The following GNAL variants were observed in gnomAD, a reference collection of about 807,000 sequenced individuals.
GNAL encodes G protein subunit alpha L, also known as guanine nucleotide-binding protein G(olf) subunit alpha.
GNAL carries 18 observed loss-of-function variants against 55.1 expected under a neutral mutation model. The observed-to-expected ratio is 0.33, with a 90% CI of 0.23 to 0.48. The LOEUF (loss-of-function observed/expected upper bound fraction) is 0.48, where lower values mean the gene tolerates loss of function less well. Ranked by LOEUF, GNAL falls within the 20% of genes least tolerant of loss-of-function variation. GNAL has a pLI of 0.99. For missense variants in GNAL, 412 were observed against 614.1 expected (o/e 0.67, Z 3.48); for synonymous variants, 253 against 237.0 (o/e 1.07, Z -0.62).
chr18:11,737,009 A>G (rs1250883237), intron 1 of GNAL, among the ~76,000 whole-genome samples: 2 of 152,246 alleles, frequency 1.3e-5, no homozygotes, highest in Non-Finnish European at 2.9e-5. Flanking sequence ...GCAAAATGCT[A>G]ACAATTGAAG....
chr18:11,813,095 G>A (rs900651621), intron 4 of GNAL, among the ~76,000 whole-genome samples: 20 of 151,202 alleles, frequency 1.3e-4, no homozygotes, highest in Non-Finnish European at 2.7e-4. Context: ...CTCTATTAAC[G>A]ATACAACAAA....
intron 4 of GNAL, among the ~76,000 whole-genome samples, chr18:11,789,053 C>T (rs1453698089): frequency 6.6e-6 from 1 of 151,508 alleles, no homozygotes; most frequent in Non-Finnish European, 1.5e-5. Flanking sequence ...AGGCCTATCT[C>T]AGTTTCAGCA....
intron 5 of GNAL, chr18:11,851,882 C>G: frequency 6.2e-7 from 1 of 1,613,986 alleles, no homozygotes; most frequent in South Asian, 1.1e-5. Flanking sequence ...CAGTTTGAGA[C>G]TCTGGACGTC....
At chr18:11,829,877 G>A (rs140163211) in intron 5 of GNAL, among the ~76,000 whole-genome samples, 42 of 152,300 alleles carry the variant, frequency 2.8e-4, no homozygotes, top group African/African-American at 9.9e-4. Flanking sequence ...GGGCATGGTG[G>A]CACACACCTG....
At chr18:11,843,515 ACT>A (rs1306931171) in intron 5 of GNAL, among the ~76,000 whole-genome samples, 5 of 151,922 alleles carry the variant, frequency 3.3e-5, no homozygotes, top group Non-Finnish European at 7.4e-5. Flanking sequence ...ACAGAGCAAG[ACT>A]CTGTCTCAAA....
chr18:11,737,564 T>A (rs2032486718), intron 1 of GNAL, among the ~76,000 whole-genome samples: 1 of 152,172 alleles, frequency 6.6e-6, no homozygotes, highest in African/African-American at 2.4e-5. Flanking sequence ...ATCTCTCCAG[T>A]CCACTGGTTC....
At position 11,752,850 on chromosome 18, in the gene GNAL, C is replaced by T. The variant is rs1216614546; in HGVS notation, c.377-3C>T. ...TCACAGCGTTCTTTCTGTTTGTTTG[C>T]AGGGGCTGGTGAGTCTGGGAAAAGC... On this transcript the variant is annotated splice_polypyrimidine_tract_variant and splice_region_variant and intron_variant, in intron 1 of 11. Coordinates refer to ENST00000334049, the MANE Select transcript of GNAL (RefSeq NM_182978.4). This position sits in a 1 kb window ranked among gnomAD's most constrained non-coding sequence, Gnocchi z 4.5. 2 of 1,598,474 alleles carry T rather than the reference C, an allele frequency of 1.3e-6. No individual in the cohort carries two copies. The highest frequency in any genetic ancestry group is 1.7e-6 in the Non-Finnish European group (2 of 1,165,990).
chr18:11,794,987 C>T (rs113302580), intron 4 of GNAL, among the ~76,000 whole-genome samples: 9,907 of 152,080 alleles, frequency 0.065, 481 homozygotes, highest in African/African-American at 0.13. Context: ...GGATTACCGG[C>T]GCCTGCCATC....
At chr18:11,869,423 G>A (rs775031398) in intron 9 of GNAL, among the ~76,000 whole-genome samples, 5 of 152,100 alleles carry the variant, frequency 3.3e-5, no homozygotes, top group Non-Finnish European at 7.4e-5. Context: ...GATTACAGGC[G>A]TGAGCCACCG....
chr18:11,860,289 C>T (rs1598434527), intron 5 of GNAL, among the ~76,000 whole-genome samples: 1 of 152,326 alleles, frequency 6.6e-6, no homozygotes, highest in East Asian at 1.9e-4. Flanking sequence ...TGGGTGAAGG[C>T]TGCCAAAATG....
intron 1 of GNAL, among the ~76,000 whole-genome samples, chr18:11,712,214 T>C (rs2031855470): frequency 6.6e-6 from 1 of 152,172 alleles, no homozygotes. Context: ...AAGCAAGATA[T>C]AAATTGGTCC....
At chr18:11,700,419 C>A (rs527381270) in intron 1 of GNAL, among the ~76,000 whole-genome samples, 65 of 152,382 alleles carry the variant, frequency 4.3e-4, no homozygotes, top group African/African-American at 1.4e-3. Flanking sequence ...TTTGGCTTGG[C>A]TTGGCCAGGC....
At chr18:11,818,902 T>G (rs552434003) in intron 4 of GNAL, among the ~76,000 whole-genome samples, 19 of 152,366 alleles carry the variant, frequency 1.2e-4, no homozygotes, top group African/African-American at 4.3e-4. Context: ...AAGAATATTG[T>G]GCGAATGTTG....
chr18:11,693,741 CTT>C (rs576637274), intron 1 of GNAL, among the ~76,000 whole-genome samples: 64 of 110,888 alleles, frequency 5.8e-4, no homozygotes, highest in Admixed American at 7.8e-4. Flanking sequence ...CCAGCAGTGT[CTT>C]TTTTTTTTTT....
chr18:11,821,475 T>TAA (rs2035087525), intron 4 of GNAL, among the ~76,000 whole-genome samples: 1 of 152,188 alleles, frequency 6.6e-6, no homozygotes, highest in South Asian at 2.1e-4. Context: ...GATCATGTGT[T>TAA]AAAGTACTGT....
intron 5 of GNAL, among the ~76,000 whole-genome samples, chr18:11,844,518 C>G (rs954183806): frequency 2.6e-5 from 4 of 152,220 alleles, no homozygotes; most frequent in African/African-American, 9.7e-5. Context: ...CGTTTTAAAT[C>G]ACTTGTGCCT....
rs763342295 is a variant in GNAL at position 11,844,578 on chromosome 18, G to C, written c.723-17817G>C. 3.7e-4 allele frequency among the ~76,000 whole-genome samples: 57 copies of C among 152,146 alleles called. 1 individual carries two copies. The highest frequency in any genetic ancestry group is 6.9e-4 in the Non-Finnish European group (47 of 68,034). On this transcript the variant is annotated intron_variant, in intron 5 of 11. Coordinates refer to ENST00000334049, the MANE Select transcript of GNAL (RefSeq NM_182978.4). ...ATGCTAAGTAAAAGCTGGGTCTAAG[G>C]CAGATCAATCACAGCATCAATTAAG... is the stretch of plus-strand genomic sequence containing the variant.
At chr18:11,855,970 C>G (rs2035998842) in intron 5 of GNAL, among the ~76,000 whole-genome samples, 3 of 149,470 alleles carry the variant, frequency 2.0e-5, no homozygotes, top group South Asian at 4.2e-4. Context: ...GAAACTCCAT[C>G]TCAAAAAAAA....
rs2036779348 is a variant in GNAL, at chr18:11,883,599, G to C, written c.*2464G>C. 6.5e-6 allele frequency: 1 copy of C among 153,328 alleles called. No homozygotes were observed. Among genetic ancestry groups the C allele is most frequent in the South Asian group, 2.1e-4 (1 of 4,832 alleles). 9.5% of individuals were successfully genotyped at this position (153,328 alleles called of 1,614,324 possible). On this transcript the variant is annotated 3_prime_UTR_variant, in exon 12 of 12. Transcript: ENST00000334049. ...ATGTAGCAACGTGGTCTCCTATAGA[G>C]AAAATTACACTTATCTAAAAATCTG...
Sources: gnomAD v4.1 joint callset for allele counts (sites outside exome capture counted in the v4.1 genomes callset) on GRCh38, gnomAD v4.1.1 for gene constraint, Gnocchi (gnomAD v3.1) non-coding constraint, MANE v1.5 for transcripts, NCBI Gene and HGNC (gene_info 2026-07-23, HGNC 2026-07-21) for gene names.